The following IFT81 variants were observed in gnomAD, a reference collection of about 807,000 sequenced individuals.
The protein encoded by IFT81 is intraflagellar transport 81, also known as intraflagellar transport protein 81 homolog.
IFT81 carries 72 observed loss-of-function variants against 102.6 expected under a neutral mutation model. The observed-to-expected ratio is 0.70, with a 90% CI of 0.58 to 0.85. The LOEUF is 0.85. Among genes scored for constraint, IFT81 ranks in the 40% least tolerant of loss-of-function variants. The probability of loss-of-function intolerance (pLI) is 0.00; values close to 1 mark genes in which losing one functional copy is unlikely to be tolerated. For missense variants in IFT81, 723 were observed against 787.3 expected (o/e 0.92, Z 0.98); for synonymous variants, 237 against 242.7 (o/e 0.98, Z 0.22).
rs79206803 is a variant in IFT81 at position 110,170,462 on chromosome 12, G to A, written c.1188+7397G>A. Among the ~76,000 whole-genome samples, 18 of 152,282 alleles carry A rather than the reference G, an allele frequency of 1.2e-4. No individual in the cohort carries two copies. In the East Asian group the frequency reaches 3.5e-3, roughly 29 times the overall value. ...ACTGGAAGGACGAAGAATAGAACAT[G>A]TGCCTCTTGTAAGTAGTGCCAGTAG... On this transcript the variant is annotated intron_variant, in intron 11 of 18. Coordinates refer to ENST00000242591, the MANE Select transcript of IFT81 (RefSeq NM_014055.4).
rs971235472 is a variant in IFT81 at position 110,175,590 on chromosome 12, C to G, written c.1189-4832C>G. ...ATTTTTTAAAAAACTCGTCCTTTAACAGATAGTTTGAAAAGTCCTGCTACT... is the reference window on the plus strand; with the variant it reads ...ATTTTTTAAAAAACTCGTCCTTTAAGAGATAGTTTGAAAAGTCCTGCTACT... On this transcript the variant is annotated intron_variant, in intron 11 of 18. Coordinates refer to ENST00000242591, the MANE Select transcript of IFT81 (RefSeq NM_014055.4). Among the ~76,000 whole-genome samples, 5 of 152,138 alleles carry G rather than the reference C, an allele frequency of 3.3e-5. 1 individual carries two copies. Among genetic ancestry groups the G allele is most frequent in the African/African-American group, 1.2e-4 (5 of 41,428 alleles).
chr12:110,127,367 T>G lies in IFT81; in HGVS notation c.-14T>G. On this transcript the variant is annotated 5_prime_UTR_variant, in exon 2 of 19. It adds an upstream start codon to the 5' untranslated region. Coordinates refer to ENST00000242591, the MANE Select transcript of IFT81 (RefSeq NM_014055.4). ...TCTATTTTTACTCTTTAGTTAAAAT[T>G]ATAAGACCTAATTATGAGTGATCAA... 2 of 1,520,606 alleles carry G rather than the reference T, an allele frequency of 1.3e-6. No individual in the cohort carries two copies. Among genetic ancestry groups the G allele is most frequent in the Non-Finnish European group, 1.8e-6 (2 of 1,141,108 alleles). 94.2% of individuals were successfully genotyped at this position (1,520,606 alleles called of 1,614,324 possible). A position where few individuals can be genotyped will look rare whatever the true frequency, so the allele number is the denominator to read the frequency against.
intron 18 of IFT81, among the ~76,000 whole-genome samples, chr12:110,213,551 G>A (rs1334385424): frequency 3.9e-5 from 6 of 152,256 alleles, no homozygotes; most frequent in Non-Finnish European, 8.8e-5. Context: ...TAATTCATTA[G>A]AAGTTGCACA....
chr12:110,169,033 CT>C (rs1454046237), intron 11 of IFT81: 3 of 124,750 alleles, frequency 2.4e-5, no homozygotes, highest in Admixed American at 8.1e-5. Flanking sequence ...CCCTTCCTTC[CT>C]TCCTTCCTTC....
chr12:110,141,318 G>A (rs1289448886), intron 8 of IFT81, among the ~76,000 whole-genome samples: 2 of 152,034 alleles, frequency 1.3e-5, no homozygotes, highest in Non-Finnish European at 2.9e-5. Flanking sequence ...GATTACAGGT[G>A]TGAGACACCA....
At chr12:110,150,366 C>T (rs558644454) in intron 10 of IFT81, among the ~76,000 whole-genome samples, 6 of 152,150 alleles carry the variant, frequency 3.9e-5, no homozygotes, top group African/African-American at 7.2e-5. Context: ...TGTGAGCCAC[C>T]GCACCCGGCC....
In IFT81 at chr12:110,180,538, T is replaced by G; in HGVS notation, c.1305T>G (p.Leu435=). 6.2e-7 allele frequency: 1 copy of G among 1,607,014 alleles called. No individual in the cohort carries two copies. The highest frequency in any genetic ancestry group is 8.5e-7 in the Non-Finnish European group (1 of 1,174,920). ...FGLLQRTEEL[L]KQRHENIQQQ... ...TTTTGCAGAGGACTGAAGAACTTCT[T>G]AAGCAACGTCATGAAAATATTCAAC... The change falls in exon 12 of 19, where the codon CTT becomes CTG. Residue 435 remains leucine, a synonymous_variant. Coordinates refer to ENST00000242591, the MANE Select transcript of IFT81 (RefSeq NM_014055.4).
At chr12:110,183,352 G>C (rs1475434289) in intron 12 of IFT81, among the ~76,000 whole-genome samples, 1 of 152,138 alleles carries the variant, frequency 6.6e-6, no homozygotes, top group Middle Eastern at 3.2e-3. Flanking sequence ...ACAAAATAGG[G>C]GGTTGGTTTC....
chr12:110,207,844 A>T (rs1313843160), intron 17 of IFT81, among the ~76,000 whole-genome samples: 2 of 152,046 alleles, frequency 1.3e-5, no homozygotes, highest in African/African-American at 4.8e-5. Flanking sequence ...TATCCTTAAC[A>T]TGTCACCTGC....
chr12:110,137,714 C>T (rs1438478524), intron 8 of IFT81, among the ~76,000 whole-genome samples: 2 of 151,648 alleles, frequency 1.3e-5, no homozygotes, highest in Admixed American at 1.3e-4. Flanking sequence ...GCAGCCTGGG[C>T]GACAGACTGA....
At chr12:110,147,658 A>T (rs555365288) in intron 10 of IFT81, among the ~76,000 whole-genome samples, 2 of 152,378 alleles carry the variant, frequency 1.3e-5, no homozygotes, top group South Asian at 4.1e-4. Context: ...TAAGGACATT[A>T]GAATTTTTTA....
At chr12:110,204,130 T>TA (rs143786015) in intron 15 of IFT81, 180 bp downstream of exon 15, 35 of 511,342 alleles carry the variant, frequency 6.8e-5, no homozygotes, top group East Asian at 1.3e-4. Flanking sequence ...ACTCTCTCTC[T>TA]AAAAAAAATG....
At chr12:110,184,861 G>A (rs535357401) in intron 12 of IFT81, among the ~76,000 whole-genome samples, 63 of 152,306 alleles carry the variant, frequency 4.1e-4, no homozygotes, top group South Asian at 1.2e-3. Context: ...GAAGCATAGC[G>A]TTGGTGCAAA....
chr12:110,142,134 T>C (rs1894926371), intron 8 of IFT81, among the ~76,000 whole-genome samples: 1 of 152,088 alleles, frequency 6.6e-6, no homozygotes, highest in Non-Finnish European at 1.5e-5. Context: ...ACTTAAAACA[T>C]TTATGTGTAG....
intron 18 of IFT81, among the ~76,000 whole-genome samples, chr12:110,214,180 A>G (rs950929961): frequency 6.6e-6 from 1 of 152,176 alleles, no homozygotes; most frequent in Non-Finnish European, 1.5e-5. Flanking sequence ...TTGAAAGCAC[A>G]TATTTGAATC....
rs750498109 is a variant in IFT81 at position 110,180,485 on chromosome 12, A to G, written c.1252A>G (p.Ile418Val). The G allele has an allele frequency of 1.4e-5, 22 of 1,611,496 alleles. No individual in the cohort carries two copies. The highest frequency in any genetic ancestry group is 1.8e-5 in the Non-Finnish European group (21 of 1,177,932). The change falls in exon 12 of 19, where the codon ATA becomes GTA. Residue 418 changes from isoleucine to valine, a missense_variant. By Grantham distance (29) the Ile-to-Val change is conservative. Transcript: ENST00000242591. ...STVFKKKHQI[I>V]AELKAEFGLL... ...AGTTTTCAAAAAGAAGCATCAGATA[A>G]TAGCTGAACTTAAAGCTGAATTCGG...
At chr12:110,152,421 A>C (rs550725943) in intron 10 of IFT81, among the ~76,000 whole-genome samples, 3 of 152,238 alleles carry the variant, frequency 2.0e-5, no homozygotes, top group Admixed American at 2.0e-4. Flanking sequence ...GCATTTTTTC[A>C]CATACCCATT....
At chr12:110,157,755 A>G (rs987930104) in intron 10 of IFT81, among the ~76,000 whole-genome samples, 1 of 152,002 alleles carries the variant, frequency 6.6e-6, no homozygotes, top group Non-Finnish European at 1.5e-5. Flanking sequence ...GATAATTTCT[A>G]TTGTCCTGTC....
intron 10 of IFT81, among the ~76,000 whole-genome samples, chr12:110,157,696 G>A (rs537419337): frequency 6.6e-6 from 1 of 152,180 alleles, no homozygotes; most frequent in South Asian, 2.1e-4. Context: ...TATCCCTTAG[G>A]CTCTGTTCAC....
Sources: gnomAD v4.1 joint callset for allele counts (sites outside exome capture counted in the v4.1 genomes callset) on GRCh38, gnomAD v4.1.1 for gene constraint, MANE v1.5 for transcripts, NCBI Gene and HGNC (gene_info 2026-07-23, HGNC 2026-07-21) for gene names.